ELAVL2: variants seen among roughly 807,000 people sequenced by gnomAD.
ELAVL2 encodes ELAV-like protein 2.
Under a neutral mutation model 34.6 loss-of-function variants are expected in ELAVL2, and 4 were observed. The ratio of observed to expected loss-of-function variants is 0.12; its 90% CI spans 0.06 to 0.26. The LOEUF is 0.26. ELAVL2 is among the 10% of genes least tolerant of loss of function. The pLI is 1.00. For missense variants in ELAVL2, 432 were observed against 442.8 expected, an observed-to-expected ratio of 0.98 and a Z score of 0.22; for synonymous variants, 193 against 154.8, an observed-to-expected ratio of 1.25 and a Z score of -1.83.
At chr9:23,719,101 A>G (rs2043027487) in intron 3 of ELAVL2, among the ~76,000 whole-genome samples, 1 of 152,174 alleles carries the variant, frequency 6.6e-6, no homozygotes, top group African/African-American at 2.4e-5. Flanking sequence ...GGCAGCGAGG[A>G]GGGGAACTAC....
intron 4 of ELAVL2, 118 bp downstream of exon 4, chr9:23,704,800 G>T: frequency 7.7e-7 from 1 of 1,301,086 alleles, no homozygotes; most frequent in Non-Finnish European, 1.1e-6. Context: ...TGCATTTTCT[G>T]GCCCACATAT....
chr9:23,764,668 T>C (rs1366169185), intron 1 of ELAVL2, among the ~76,000 whole-genome samples: 4 of 152,178 alleles, frequency 2.6e-5, no homozygotes, highest in African/African-American at 7.2e-5. Context: ...AAAAAATACA[T>C]AGTAAACAGA....
chr9:23,759,788 AT>A (rs1330702763), intron 2 of ELAVL2, among the ~76,000 whole-genome samples: 5,861 of 119,410 alleles, frequency 0.049, 203 homozygotes, highest in Non-Finnish European at 0.068. Context: ...ATATATATAT[AT>A]AATGTATAGA....
Position 23,720,360 on chromosome 9 carries a change from A to G in ELAVL2, c.333+10662T>C, listed in dbSNP as rs563881012. ...GGCTAATTTTTGTACTTTTTAGTAG[A>G]GATGGGGTTTCGTCATGTTGGCGGC... On this transcript the variant is annotated intron_variant, in intron 3 of 6. Transcript: ENST00000397312. Among the ~76,000 whole-genome samples the G allele has an allele frequency of 4.6e-5, 7 of 151,134 alleles. 1 individual carries two copies. In the South Asian group the frequency reaches 1.5e-3, roughly 32 times the overall value.
At chr9:23,838,934 A>C in the ELAVL2 span, among the ~76,000 whole-genome samples, 1 of 152,148 alleles carries the variant, frequency 6.6e-6, no homozygotes. Context: ...TTCAATTTTC[A>C]TATTCTTTAA....
chr9:23,698,441 C>G (rs1188485906), intron 5 of ELAVL2, among the ~76,000 whole-genome samples: 1 of 152,100 alleles, frequency 6.6e-6, no homozygotes, highest in Admixed American at 6.6e-5. Context: ...GATTTTTAAG[C>G]TTTTTGACCA....
intron 2 of ELAVL2, among the ~76,000 whole-genome samples, chr9:23,759,743 CATATATAGTATTATAT>C (rs1189763894): frequency 3.7e-5 from 3 of 80,454 alleles, no homozygotes; most frequent in South Asian, 4.1e-4. Flanking sequence ...GTGTATACAT[CATATATAGTATTATAT>C]ATATATATAT....
chr9:23,790,905 T>C (rs2060249117), intron 1 of ELAVL2, among the ~76,000 whole-genome samples: 1 of 152,180 alleles, frequency 6.6e-6, no homozygotes, highest in East Asian at 1.9e-4. Flanking sequence ...AACCTCTACA[T>C]GTTCTCTAAG....
At chr9:23,777,556 T>C (rs2058413643) in intron 1 of ELAVL2, among the ~76,000 whole-genome samples, 1 of 152,200 alleles carries the variant, frequency 6.6e-6, no homozygotes, top group African/African-American at 2.4e-5. Flanking sequence ...ATCTGGAGAC[T>C]GCAGGCCTTG....
chr9:23,721,912 C>T (rs924847814), intron 3 of ELAVL2, among the ~76,000 whole-genome samples: 9 of 152,138 alleles, frequency 5.9e-5, no homozygotes, highest in Non-Finnish European at 1.0e-4. Flanking sequence ...GGCTTCTAGT[C>T]AACAGTAGGC....
intron 1 of ELAVL2, among the ~76,000 whole-genome samples, chr9:23,774,235 A>AAAAAAGAAAG (rs59791462): frequency 7.6e-6 from 1 of 132,316 alleles, no homozygotes; most frequent in African/African-American, 3.2e-5. Context: ...AAAAAAAAAA[A>AAAAAAGAAAG]AAAGAAAGAA....
At chr9:23,696,220 T>C (rs935806368) in intron 5 of ELAVL2, among the ~76,000 whole-genome samples, 3 of 152,028 alleles carry the variant, frequency 2.0e-5, no homozygotes, top group Non-Finnish European at 2.9e-5. Flanking sequence ...CCTGACTGTA[T>C]GCATCTGAGC....
At chr9:23,820,139 C>A (rs1245065451) in intron 1 of ELAVL2, among the ~76,000 whole-genome samples, 1 of 152,108 alleles carries the variant, frequency 6.6e-6, no homozygotes. Context: ...GCGACTCTGG[C>A]GAAACGATTC....
intron 1 of ELAVL2, among the ~76,000 whole-genome samples, chr9:23,781,185 T>C (rs2059012341): frequency 6.6e-6 from 1 of 152,224 alleles, no homozygotes; most frequent in African/African-American, 2.4e-5. Context: ...ATAAAAAATT[T>C]CAGGCACTAT....
At chr9:23,719,954 T>A (rs935428322) in intron 3 of ELAVL2, among the ~76,000 whole-genome samples, 1 of 151,600 alleles carries the variant, frequency 6.6e-6, no homozygotes. Context: ...GCCTCCCCAG[T>A]AGCTGGGTTT....
At chr9:23,786,815 A>G (rs2059751216) in intron 1 of ELAVL2, among the ~76,000 whole-genome samples, 1 of 150,720 alleles carries the variant, frequency 6.6e-6, no homozygotes, top group Non-Finnish European at 1.5e-5. Context: ...AGAGAGAGAG[A>G]AAGGAAAGCC....
chr9:23,724,371 A>G (rs1385826766), intron 3 of ELAVL2, among the ~76,000 whole-genome samples: 3 of 152,202 alleles, frequency 2.0e-5, no homozygotes, highest in Non-Finnish European at 1.5e-5. Context: ...TTGCCCTTTG[A>G]GAATTCCAAT....
intron 1 of ELAVL2, among the ~76,000 whole-genome samples, chr9:23,816,317 TAAAAAAAAAAAAAAA>T (rs10717104): frequency 1.8e-4 from 8 of 44,696 alleles, no homozygotes; most frequent in Non-Finnish European, 2.3e-4. Context: ...AAGCTTTCAG[TAAAAAAAAAAAAAAA>T]AAAAAAAAAA....
chr9:23,833,869 T>C, the ELAVL2 span, among the ~76,000 whole-genome samples: 1 of 152,002 alleles, frequency 6.6e-6, no homozygotes, highest in African/African-American at 2.4e-5. Flanking sequence ...CATGTTTTTG[T>C]TTAATGACTG....
Sources: gnomAD v4.1 joint callset for allele counts (sites outside exome capture counted in the v4.1 genomes callset) on GRCh38, gnomAD v4.1.1 for gene constraint, MANE v1.5 for transcripts, NCBI Gene and HGNC (gene_info 2026-07-23, HGNC 2026-07-21) for gene names.